NR5A1: variants seen among roughly 807,000 people sequenced by gnomAD.
The protein encoded by NR5A1 is steroidogenic factor 1.
A neutral mutation model predicts 42.7 loss-of-function variants in NR5A1; 6 were observed. The observed-to-expected ratio is 0.14, with a 90% CI of 0.08 to 0.28. NR5A1 has a LOEUF of 0.28. Ranked by LOEUF, NR5A1 falls within the 10% of genes least tolerant of loss-of-function variation. The pLI, the probability that NR5A1 is intolerant of heterozygous loss-of-function variation, is 1.00. For missense variants in NR5A1, 442 were observed against 626.4 expected (o/e 0.71, Z 3.14); for synonymous variants, 274 against 277.5 (o/e 0.99, Z 0.12).
In NR5A1 at chr9:124,500,196, C is replaced by A. The variant is rs104894118; in HGVS notation, c.764G>T (p.Arg255Leu). ...GCCGAAGGCCGCCGGCTGGTCGGGG[C>A]GGCTTTTGGTGGGCTCCTGCAGGCA... The part of the protein sequence containing the change: ...LGCLQEPTKS[R>L]PDQPAAFGLL... The change falls in exon 4 of 7, where the codon CGC becomes CTC. Residue 255 changes from arginine to leucine, a missense_variant. By Grantham distance (102) the Arg-to-Leu change is moderately radical. Around this residue, in one of 3 missense-constraint regions of NR5A1, gnomAD observed 208 missense variants for 203.8 expected, o/e 1.02. Coordinates refer to ENST00000373588, the MANE Select transcript of NR5A1 (RefSeq NM_004959.5). The surrounding 1 kb of genome is among the most constrained non-coding windows in gnomAD (Gnocchi z 6.9). 13 of 1,609,834 alleles carry A rather than the reference C, an allele frequency of 8.1e-6. No individual in the cohort carries two copies. The South Asian group carries it at 9.9e-5, about 12-fold the overall frequency.
chr9:124,497,715 C>T (rs1286042697), intron 4 of NR5A1, among the ~76,000 whole-genome samples: 1 of 152,246 alleles, frequency 6.6e-6, no homozygotes, highest in African/African-American at 2.4e-5. Flanking sequence ...CCCACTCCTG[C>T]TCCAGGCTCT....
In NR5A1 at chr9:124,498,266, G is replaced by A. The variant is rs1358273789; in HGVS notation, c.870+1824C>T. On this transcript the variant is annotated intron_variant, in intron 4 of 6. Transcript: ENST00000373588. This position sits in a 1 kb window ranked among gnomAD's most constrained non-coding sequence, Gnocchi z 4.6. ...GACCAGTGGAAAAGAACTTCCACAT[G>A]GCTTACGAGAGGCGCTCTAAGGGCT... Among the ~76,000 whole-genome samples, 1 of 152,208 alleles carries A rather than the reference G, an allele frequency of 6.6e-6. No individual in the cohort carries two copies.
chr9:124,483,959 G>A (rs946406185), intron 6 of NR5A1, among the ~76,000 whole-genome samples: 14 of 152,168 alleles, frequency 9.2e-5, no homozygotes, highest in Admixed American at 2.6e-4. Flanking sequence ...CTAACCTATC[G>A]CAAGCTGAAA....
intron 1 of NR5A1, among the ~76,000 whole-genome samples, chr9:124,505,938 C>T (rs571242460): frequency 4.0e-5 from 6 of 151,638 alleles, no homozygotes; most frequent in Admixed American, 2.6e-4. Flanking sequence ...ATCCTGCCTC[C>T]GCCCCCGCTG....
chr9:124,491,122 T>G lies in NR5A1; in HGVS notation c.1097A>C (p.Gln366Pro), dbSNP rs1237152656. 6.4e-7 allele frequency: 1 copy of G among 1,572,690 alleles called. No individual in the cohort carries two copies. Residue 366 changes from glutamine to proline, a missense_variant, in exon 6 of 7, where the codon CAG becomes CCG. Coordinates refer to ENST00000373588, the MANE Select transcript of NR5A1 (RefSeq NM_004959.5). ...LQLLALQLDR[Q>P]EFVCLKFIIL... ...GATGAACTTGAGGCAGACAAACTCCTGCCGGTCCAGCTGCAGCGCAAGCAG... is the reference window on the plus strand; with the variant it reads ...GATGAACTTGAGGCAGACAAACTCCGGCCGGTCCAGCTGCAGCGCAAGCAG...
chr9:124,486,330 C>T (rs1204877261), intron 6 of NR5A1, among the ~76,000 whole-genome samples: 1 of 152,200 alleles, frequency 6.6e-6, no homozygotes, highest in East Asian at 1.9e-4. Context: ...GCACCCAGCT[C>T]GGTTCATCTC....
rs547061946 is a variant in NR5A1 at position 124,500,062 on chromosome 9, G to A, written c.870+28C>T. On this transcript the variant is annotated intron_variant, in intron 4 of 6. Transcript: ENST00000373588. The surrounding 1 kb of genome is among the most constrained non-coding windows in gnomAD (Gnocchi z 6.9). ...GGCAGCCGGGAGGACCATGATGCAG[G>A]GCCAGCCGGGCGGGAGGAGAGACTC... 1.2e-5 allele frequency: 19 copies of A among 1,613,024 alleles called. No homozygotes were observed. The East Asian group carries it at 4.0e-4, about 34-fold the overall frequency.
At position 124,482,175 on chromosome 9, in the gene NR5A1, G is replaced by A. The variant is rs1394223569; in HGVS notation, c.*583C>T. On this transcript the variant is annotated 3_prime_UTR_variant, in exon 7 of 7. Transcript: ENST00000373588. ...GGTGGGGTAGAAGGGCTAGGGAGAA[G>A]GTCTTTTTGTCCTAACCAGTCTCCT... The A allele has an allele frequency of 6.0e-6, 1 of 165,668 alleles. No homozygotes were observed. The highest frequency in any genetic ancestry group is 1.3e-5 in the Non-Finnish European group (1 of 75,582). The allele number at this position is 165,668 out of a possible 1,614,324, so 10.3% of individuals were successfully genotyped here.
At chr9:124,493,589 C>A (rs1035715832) in intron 4 of NR5A1, among the ~76,000 whole-genome samples, 1 of 152,210 alleles carries the variant, frequency 6.6e-6, no homozygotes, top group Non-Finnish European at 1.5e-5. Context: ...CATTTAAAAG[C>A]CTGTGGTCGG....
At chr9:124,502,929 C>T (rs1832490052) in intron 3 of NR5A1, 150 bp downstream of exon 3, 2 of 1,181,722 alleles carry the variant, frequency 1.7e-6, no homozygotes, top group African/African-American at 1.5e-5. Context: ...AGCGCCAGCG[C>T]CCGGTTCTCT....
chr9:124,484,533 T>C (rs4838188), intron 6 of NR5A1, among the ~76,000 whole-genome samples: 17,963 of 152,122 alleles, frequency 0.12, 1,428 homozygotes, highest in Admixed American at 0.25. Context: ...GGTGGGTCAC[T>C]TGAGGTCAGG....
intron 6 of NR5A1, among the ~76,000 whole-genome samples, chr9:124,486,806 G>A (rs998168390): frequency 6.6e-6 from 1 of 152,198 alleles, no homozygotes; most frequent in Non-Finnish European, 1.5e-5. Flanking sequence ...CAGCAGACAC[G>A]GGAGCGGGGT....
At chr9:124,494,619 G>T (rs138745049) in intron 4 of NR5A1, among the ~76,000 whole-genome samples, 1 of 152,240 alleles carries the variant, frequency 6.6e-6, no homozygotes, top group Non-Finnish European at 1.5e-5. Flanking sequence ...CTGATGACTG[G>T]CAAGGTGCTC....
intron 6 of NR5A1, among the ~76,000 whole-genome samples, chr9:124,484,725 G>A (rs1040972059): frequency 6.6e-6 from 1 of 151,868 alleles, no homozygotes; most frequent in African/African-American, 2.4e-5. Context: ...CTGCATTCCA[G>A]CCTGGGCAAC....
rs765851097 is a variant in NR5A1 at position 124,491,159 on chromosome 9, G to T, written c.1060C>A (p.Leu354Met). The T allele has an allele frequency of 6.2e-7, 1 of 1,609,332 alleles. No individual in the cohort carries two copies. Among genetic ancestry groups the T allele is most frequent in the South Asian group, 1.1e-5 (1 of 90,330 alleles). The change falls in exon 6 of 7, where the codon CTG (leucine) becomes ATG (methionine). Residue 354 changes from leucine to methionine, a missense_variant. This residue lies in a region of NR5A1 where 163 missense variants were observed against 265.8 expected (regional missense o/e 0.61). Transcript: ENST00000373588. Reference protein sequence around the residue: ...LHSLVLRAQELVLQLLALQLD... With the variant: ...LHSLVLRAQEMVLQLLALQLD... The stretch of plus-strand genomic sequence containing the variant: ...TGCAGCGCAAGCAGCTGCAGCACCA[G>T]CTCCTGCGCCCGCAACACCAGGCTG...
intron 4 of NR5A1, among the ~76,000 whole-genome samples, chr9:124,494,174 G>T (rs147569160): frequency 6.6e-6 from 1 of 152,182 alleles, no homozygotes; most frequent in Non-Finnish European, 1.5e-5. Flanking sequence ...CACTTCTGGC[G>T]CACCTTCCTG....
intron 1 of NR5A1, among the ~76,000 whole-genome samples, chr9:124,504,523 A>G (rs1254349312): frequency 6.6e-6 from 1 of 151,770 alleles, no homozygotes; most frequent in East Asian, 1.9e-4. Context: ...TCGGGCGGGG[A>G]GACCTCGGGC....
rs1176140749 is a variant in NR5A1 at position 124,501,498 on chromosome 9, G to A, written c.245-783C>T. ...TCTCTGCAGCTGGAGTGTGCCCCCC[G>A]CCCCTGCTCAGACAGGGCCCCACCC... On this transcript the variant is annotated intron_variant, in intron 3 of 6. Coordinates refer to ENST00000373588, the MANE Select transcript of NR5A1 (RefSeq NM_004959.5). This position sits in a 1 kb window ranked among gnomAD's most constrained non-coding sequence, Gnocchi z 4.1. Among the ~76,000 whole-genome samples the A allele has an allele frequency of 6.6e-6, 1 of 152,170 alleles. No homozygotes were observed. The highest frequency in any genetic ancestry group is 2.4e-5 in the African/African-American group (1 of 41,432).
At chr9:124,489,523 C>T (rs994650967) in intron 6 of NR5A1, among the ~76,000 whole-genome samples, 2 of 152,220 alleles carry the variant, frequency 1.3e-5, no homozygotes, top group East Asian at 1.9e-4. Flanking sequence ...CAGACGTTCA[C>T]GTAATTCCTG....
Sources: gnomAD v4.1 joint callset for allele counts (sites outside exome capture counted in the v4.1 genomes callset) on GRCh38, gnomAD v4.1.1 for gene constraint, gnomAD v4.1.1 regional missense constraint, Gnocchi (gnomAD v3.1) non-coding constraint, MANE v1.5 for transcripts, NCBI Gene and HGNC (gene_info 2026-07-23, HGNC 2026-07-21) for gene names.